Variants in SCML2 observed in about 807,000 individuals in gnomAD.
SCML2 encodes the protein sex comb on midleg-like protein 2.
SCML2 carries 6 observed loss-of-function variants against 48.4 expected under a neutral mutation model. That is an observed-to-expected ratio of 0.12 (90% CI 0.07 to 0.24). SCML2 has a LOEUF of 0.24. Ranked by LOEUF, SCML2 falls within the 10% of genes least tolerant of loss-of-function variation. The pLI is 1.00. For missense variants in SCML2, 377 were observed against 528.2 expected (o/e 0.71, Z 2.81); for synonymous variants, 181 against 189.5 (o/e 0.95, Z 0.37).
intron 7 of SCML2, among the ~76,000 whole-genome samples, chrX:18,291,117 G>A (rs1928218848): frequency 8.9e-6 from 1 of 111,781 alleles, no homozygotes; most frequent in Non-Finnish European, 1.9e-5. Flanking sequence ...AATGGGCCTC[G>A]TTTTCATTTG....
chrX:18,345,459 T>C (rs1930167900), intron 1 of SCML2, among the ~76,000 whole-genome samples: 1 of 109,204 alleles, frequency 9.2e-6, no homozygotes, highest in Non-Finnish European at 1.9e-5. Context: ...GGAGTGATCA[T>C]AGCTCGCTAC....
chrX:18,299,362 A>T (rs1015682432), intron 7 of SCML2, among the ~76,000 whole-genome samples: 4 of 110,715 alleles, frequency 3.6e-5, no homozygotes, highest in Admixed American at 9.6e-5. Context: ...AAATAAAAAA[A>T]AAAAAATTAG....
chrX:18,286,483 G>C (rs958178548), intron 7 of SCML2, among the ~76,000 whole-genome samples: 1 of 111,608 alleles, frequency 9.0e-6, no homozygotes, highest in Non-Finnish European at 1.9e-5. Flanking sequence ...TTAAAGAATA[G>C]ATCACCTCAG....
chrX:18,329,670 T>C (rs1185753969), intron 3 of SCML2, among the ~76,000 whole-genome samples: 4 of 112,767 alleles, frequency 3.5e-5, no homozygotes. Context: ...AAGTTAACAT[T>C]TACTGAACAC....
intron 1 of SCML2, among the ~76,000 whole-genome samples, chrX:18,338,843 A>T (rs754777343): frequency 3.7e-5 from 4 of 107,113 alleles, no homozygotes; most frequent in Non-Finnish European, 3.9e-5. Context: ...GAGCCTGGGA[A>T]GTCGAGGCTG....
At chrX:18,353,356 T>G (rs2147579496) in intron 1 of SCML2, among the ~76,000 whole-genome samples, 1 of 112,368 alleles carries the variant, frequency 8.9e-6, no homozygotes, top group African/African-American at 3.2e-5. Flanking sequence ...TTGTACATCT[T>G]AAAATACTTT....
chrX:18,255,505 A>C (rs1203104967), intron 11 of SCML2, among the ~76,000 whole-genome samples: 2 of 112,363 alleles, frequency 1.8e-5, no homozygotes, highest in African/African-American at 6.5e-5. Flanking sequence ...ACAGTATCAT[A>C]CCTTTATTTC....
chrX:18,321,158 A>G (rs1929305274), intron 5 of SCML2, among the ~76,000 whole-genome samples: 1 of 111,775 alleles, frequency 8.9e-6, no homozygotes, highest in Non-Finnish European at 1.9e-5. Flanking sequence ...AATTCTCCAT[A>G]AAATGTGTTA....
chrX:18,285,040 C>CAA (rs542089776), intron 7 of SCML2, among the ~76,000 whole-genome samples: 921 of 53,857 alleles, frequency 0.017, 6 homozygotes, highest in African/African-American at 0.023. Context: ...AACTCCGCCT[C>CAA]AAAAAAAAAA....
At chrX:18,291,230 G>A (rs1301168945) in intron 7 of SCML2, among the ~76,000 whole-genome samples, 2 of 111,288 alleles carry the variant, frequency 1.8e-5, no homozygotes, top group African/African-American at 3.3e-5. Flanking sequence ...TAAATCTGAT[G>A]AGCTGTGACA....
In SCML2 at chrX:18,320,206, T is replaced by G. The variant is rs1929270893; in HGVS notation, c.486+126A>C. 1.2e-5 allele frequency: 5 copies of G among 414,912 alleles called. No individual in the cohort carries two copies. The East Asian group carries it at 2.0e-4, about 16-fold the overall frequency. 34.2% of individuals were successfully genotyped at this position (414,912 alleles called of 1,213,427 possible). A position where few individuals can be genotyped will look rare whatever the true frequency, so the allele number is the denominator to read the frequency against. ...CTTTGTTATGGCAACCCTAGCAAAC[T>G]AATACACTTGCCAATCCAGTAATTT... On this transcript the variant is annotated intron_variant, in intron 6 of 14. Transcript: ENST00000251900.
chrX:18,326,206 T>C (rs1167296796), intron 3 of SCML2, among the ~76,000 whole-genome samples: 1 of 112,424 alleles, frequency 8.9e-6, no homozygotes, highest in Non-Finnish European at 1.9e-5. Flanking sequence ...TTTCTATATG[T>C]ATGTATACAT....
chrX:18,341,098 T>C (rs1158486621), intron 1 of SCML2: 1 of 162,424 alleles, frequency 6.2e-6, no homozygotes, highest in Non-Finnish European at 1.3e-5. Context: ...ACCTAGGCCT[T>C]GGGGCTGCCA....
chrX:18,297,697 G>T (rs1486063888), intron 7 of SCML2, among the ~76,000 whole-genome samples: 4 of 111,055 alleles, frequency 3.6e-5, no homozygotes, highest in Non-Finnish European at 7.6e-5. Flanking sequence ...AACCACATAA[G>T]AAATAAAACA....
intron 7 of SCML2, among the ~76,000 whole-genome samples, chrX:18,296,016 G>A (rs974481659): frequency 3.6e-5 from 4 of 111,723 alleles, no homozygotes; most frequent in African/African-American, 9.8e-5. Context: ...CAACTATTAT[G>A]CTAGATGTGC....
intron 6 of SCML2, among the ~76,000 whole-genome samples, chrX:18,313,008 C>T (rs201635354): frequency 1.6e-4 from 14 of 85,019 alleles, no homozygotes; most frequent in African/African-American, 5.3e-4. Context: ...TGTGTGTGTG[C>T]GCGTGTGTGT....
intron 7 of SCML2, among the ~76,000 whole-genome samples, chrX:18,271,201 T>C (rs937938668): frequency 9.0e-6 from 1 of 111,228 alleles, no homozygotes; most frequent in Non-Finnish European, 1.9e-5. Flanking sequence ...TCAATATCCA[T>C]TATTGCATGA....
chrX:18,241,008 C>T lies in SCML2; in HGVS notation c.*243G>A, dbSNP rs1240806252. On this transcript the variant is annotated 3_prime_UTR_variant, in exon 15 of 15. Coordinates refer to ENST00000251900, the MANE Select transcript of SCML2 (RefSeq NM_006089.3). The stretch of plus-strand genomic sequence containing the variant: ...AACTGCCAATTTGAATATGCCAATA[C>T]TAACCTGTTAAATGCTTTTTAAAGA... 1 of 186,923 alleles carries T rather than the reference C, an allele frequency of 5.3e-6. No individual in the cohort carries two copies. The highest frequency in any genetic ancestry group is 1.0e-5 in the Non-Finnish European group (1 of 100,440). 15.4% of individuals were successfully genotyped at this position (186,923 alleles called of 1,213,427 possible).
rs774780258 is a variant in SCML2 at position 18,330,546 on chromosome X, AG to A, written c.91+40del. 11 of 827,377 alleles carry A rather than the reference AG, an allele frequency of 1.3e-5. No individual in the cohort carries two copies. The African/African-American group carries it at 2.3e-4, about 17-fold the overall frequency. 68.2% of individuals were successfully genotyped at this position (827,377 alleles called of 1,213,427 possible). ...CTTAAAGTTAATTTTAACACTAGTG[AG>A]GAAGAAAACTATGCTGTATTAAATT... On this transcript the variant is annotated intron_variant, in intron 3 of 14. Transcript: ENST00000251900.
Sources: gnomAD v4.1 joint callset for allele counts (sites outside exome capture counted in the v4.1 genomes callset) on GRCh38, gnomAD v4.1.1 for gene constraint, MANE v1.5 for transcripts, NCBI Gene and HGNC (gene_info 2026-07-23, HGNC 2026-07-21) for gene names.